Variants in SAMD3 observed in about 807,000 individuals in gnomAD.
SAMD3 encodes sterile alpha motif domain-containing protein 3.
Under a neutral mutation model 58.5 loss-of-function variants are expected in SAMD3, and 63 were observed. The ratio of observed to expected loss-of-function variants is 1.08; its 90% confidence interval spans 0.88 to 1.33. The LOEUF (loss-of-function observed/expected upper bound fraction) is 1.33, where lower values mean the gene tolerates loss of function less well. SAMD3 is among the 40% of genes most tolerant of loss of function. The probability of loss-of-function intolerance (pLI) is 0.00; values close to 1 mark genes in which losing one functional copy is unlikely to be tolerated. For synonymous variants in SAMD3, 220 were observed against 210.3 expected (o/e 1.05, Z -0.40); for missense variants, 604 against 608.4 (o/e 0.99, Z 0.08).
intron 5 of SAMD3, among the ~76,000 whole-genome samples, chr6:130,187,832 A>G (rs1208751133): frequency 6.6e-6 from 1 of 152,318 alleles, no homozygotes; most frequent in East Asian, 1.9e-4. Flanking sequence ...GCTCTTCGAC[A>G]AAATCAGCAC....
chr6:130,306,189 A>C (rs1473746194), intron 2 of SAMD3, among the ~76,000 whole-genome samples: 1 of 152,244 alleles, frequency 6.6e-6, no homozygotes, highest in East Asian at 1.9e-4. Flanking sequence ...TTTTACTTAA[A>C]AAATATTTAC....
intron 2 of SAMD3, among the ~76,000 whole-genome samples, chr6:130,262,255 C>T (rs181832398): frequency 6.6e-6 from 1 of 151,808 alleles, no homozygotes; most frequent in East Asian, 1.9e-4. Flanking sequence ...CTGTGGATGG[C>T]CCAAATGCAT....
intron 2 of SAMD3, among the ~76,000 whole-genome samples, chr6:130,289,959 C>T (rs1165128655): frequency 1.4e-5 from 2 of 139,880 alleles, no homozygotes; most frequent in East Asian, 4.8e-4. Context: ...GACTTTATCA[C>T]GTACTAGAGC....
At chr6:130,219,313 T>A (rs1024429451) in intron 1 of SAMD3, among the ~76,000 whole-genome samples, 9 of 150,316 alleles carry the variant, frequency 6.0e-5, no homozygotes, top group East Asian at 2.0e-4. Context: ...CCATTTTTTT[T>A]AAATTACAGG....
rs73608380 is a variant in SAMD3 at position 130,202,059 on chromosome 6, A to C, written c.383+7436T>G. ...CCTAGCCCATGGGGTATAGTCAGTA[A>C]TTTGGACTGAACAAAAGAAAAACAG... On this transcript the variant is annotated intron_variant, in intron 5 of 11. Coordinates refer to ENST00000439090, the MANE Select transcript of SAMD3 (RefSeq NM_001017373.4). Among the ~76,000 whole-genome samples, 1,303 of 152,282 alleles carry C rather than the reference A, an allele frequency of 8.6e-3. 14 individuals carry two copies. Among genetic ancestry groups the C allele is most frequent in the African/African-American group, 0.03 (1,248 of 41,560 alleles).
chr6:130,156,079 C>A (rs1023700233), intron 8 of SAMD3, among the ~76,000 whole-genome samples: 1 of 152,080 alleles, frequency 6.6e-6, no homozygotes, highest in Non-Finnish European at 1.5e-5. Flanking sequence ...TGGCTCACAC[C>A]TGTAATCCCA....
chr6:130,229,172 C>T (rs1197705103), intron 2 of SAMD3, among the ~76,000 whole-genome samples: 2 of 152,194 alleles, frequency 1.3e-5, no homozygotes, highest in African/African-American at 2.4e-5. Context: ...GAGGCCTTGA[C>T]CAATTTCTCG....
At chr6:130,184,990 C>CA (rs1792795027) in intron 5 of SAMD3, among the ~76,000 whole-genome samples, 1 of 152,172 alleles carries the variant, frequency 6.6e-6, no homozygotes, top group Non-Finnish European at 1.5e-5. Flanking sequence ...TTCAGCAAAG[C>CA]AAATGAGGCC....
At chr6:130,171,540 C>G (rs1455998582) in intron 8 of SAMD3, among the ~76,000 whole-genome samples, 1 of 152,138 alleles carries the variant, frequency 6.6e-6, no homozygotes, top group Non-Finnish European at 1.5e-5. Context: ...GTTTCTTAAT[C>G]CTGAGCTCTA....
intron 2 of SAMD3, among the ~76,000 whole-genome samples, chr6:130,300,161 A>G (rs1404279826): frequency 1.3e-5 from 2 of 152,168 alleles, no homozygotes; most frequent in African/African-American, 4.8e-5. Flanking sequence ...AACAAAAAGG[A>G]AACTACAAGC....
At chr6:130,175,292 G>C (rs1253619502) in intron 8 of SAMD3, among the ~76,000 whole-genome samples, 2 of 152,174 alleles carry the variant, frequency 1.3e-5, no homozygotes, top group Admixed American at 6.5e-5. Context: ...CCTCCCAGGT[G>C]CTGAGGGTTG....
upstream of SAMD3, chr6:130,365,701 C>T (rs1323980754): frequency 2.0e-6 from 2 of 985,352 alleles, no homozygotes; most frequent in African/African-American, 3.5e-5. Context: ...CCTTCCAGCC[C>T]GGGAAGAGCG....
intron 5 of SAMD3, among the ~76,000 whole-genome samples, chr6:130,184,918 G>T (rs919559414): frequency 6.6e-4 from 100 of 152,116 alleles, no homozygotes; most frequent in African/African-American, 2.3e-3. Flanking sequence ...TTCTTAAAGA[G>T]AAAATGTAAT....
At chr6:130,365,711 G>T (rs1032412539), upstream of SAMD3, 103 of 985,402 alleles carry the variant, frequency 1.0e-4, no homozygotes, top group East Asian at 2.3e-4. Flanking sequence ...CGGGAAGAGC[G>T]CCTGCAAGCG....
At chr6:130,282,542 C>CT (rs1775016047) in intron 2 of SAMD3, among the ~76,000 whole-genome samples, 1 of 151,944 alleles carries the variant, frequency 6.6e-6, no homozygotes, top group South Asian at 2.1e-4. Context: ...GAAACTGAAG[C>CT]TTTGTATTCA....
rs565955738 is a variant in SAMD3 at position 130,197,228 on chromosome 6, C to A, written c.383+12267G>T. Among the ~76,000 whole-genome samples the A allele has an allele frequency of 2.6e-4, 39 of 152,306 alleles. 1 individual carries two copies. The highest frequency in any genetic ancestry group is 7.9e-4 in the African/African-American group (33 of 41,580). ...GCCCAGTCTCATTCCAGACACCAGA[C>A]CAACTTAGACTGTGCCCCAAAAAAC... On this transcript the variant is annotated intron_variant, in intron 5 of 11. Transcript: ENST00000439090.
At chr6:130,345,055 T>C (rs1214984792) in intron 1 of SAMD3, among the ~76,000 whole-genome samples, 1 of 152,116 alleles carries the variant, frequency 6.6e-6, no homozygotes, top group African/African-American at 2.4e-5. Flanking sequence ...CATCAAATTC[T>C]TCCATTTATT....
At chr6:130,307,887 T>C (rs1309229152) in intron 2 of SAMD3, among the ~76,000 whole-genome samples, 1 of 152,196 alleles carries the variant, frequency 6.6e-6, no homozygotes, top group East Asian at 1.9e-4. Flanking sequence ...AAAAACCAGT[T>C]TGTGTATAGC....
At chr6:130,281,772 G>A (rs894024116) in intron 2 of SAMD3, among the ~76,000 whole-genome samples, 2 of 151,878 alleles carry the variant, frequency 1.3e-5, no homozygotes, top group Non-Finnish European at 2.9e-5. Flanking sequence ...TAAAAAAATT[G>A]GCCAGTGCCA....
Sources: allele counts gnomAD v4.1 joint callset (sites outside exome capture counted in the v4.1 genomes callset), GRCh38; gene constraint gnomAD v4.1.1; transcripts MANE v1.5; gene names NCBI Gene and HGNC (gene_info 2026-07-23, HGNC 2026-07-21).